LARP4: variants seen among roughly 807,000 people sequenced by gnomAD.
LARP4 encodes la-related protein 4.
Under a neutral mutation model 92.9 loss-of-function variants are expected in LARP4, and 29 were observed. The ratio of observed to expected loss-of-function variants is 0.31; its 90% confidence interval spans 0.23 to 0.43. The LOEUF (loss-of-function observed/expected upper bound fraction) is 0.43, where lower values mean the gene tolerates loss of function less well. Among genes scored for constraint, LARP4 ranks in the 20% least tolerant of loss-of-function variants. The pLI is 1.00. For missense variants in LARP4, 732 were observed against 860.0 expected (o/e 0.85, Z 1.86); for synonymous variants, 279 against 284.1 (o/e 0.98, Z 0.18).
At position 50,435,485 on chromosome 12, in the gene LARP4, C is replaced by T; in HGVS notation, c.399-3C>T. 6.6e-7 allele frequency: 1 copy of T among 1,521,072 alleles called. No individual in the cohort carries two copies. Among genetic ancestry groups the T allele is most frequent in the Non-Finnish European group, 9.1e-7 (1 of 1,100,398 alleles). The allele number at this position is 1,521,072 out of a possible 1,614,324, so 94.2% of individuals were successfully genotyped here. ...GTTTTATAGGACTATTTTGTTTTTT[C>T]AGAGAAAATTTGTCAAAGGATCTTT... On this transcript the variant is annotated splice_region_variant and splice_polypyrimidine_tract_variant and intron_variant, in intron 4 of 15. Transcript: ENST00000398473.
intron 1 of LARP4, among the ~76,000 whole-genome samples, chr12:50,405,837 C>T (rs547929791): frequency 6.6e-6 from 1 of 152,190 alleles, no homozygotes; most frequent in South Asian, 2.1e-4. Flanking sequence ...TCAAGTCTTA[C>T]ATAAAAAGGC....
chr12:50,453,704 A>G, intron 9 of LARP4, 32 bp downstream of exon 9: 1 of 1,346,610 alleles, frequency 7.4e-7, no homozygotes, highest in South Asian at 1.4e-5. Context: ...AAATATAATA[A>G]TATTTTTAAT....
intron 7 of LARP4, among the ~76,000 whole-genome samples, chr12:50,440,973 T>G (rs1056223094): frequency 1.3e-5 from 2 of 151,240 alleles, no homozygotes; most frequent in Non-Finnish European, 2.9e-5. Context: ...AACCTCCACC[T>G]CCTGGGTTCA....
At chr12:50,470,955 A>G (rs1037681058) in intron 13 of LARP4, among the ~76,000 whole-genome samples, 7 of 152,150 alleles carry the variant, frequency 4.6e-5, no homozygotes, top group African/African-American at 1.7e-4. Flanking sequence ...TTTGTGGGCC[A>G]TGTATTGTCA....
chr12:50,454,461 A>C, intron 10 of LARP4, 44 bp downstream of exon 10: 4 of 1,393,622 alleles, frequency 2.9e-6, no homozygotes, highest in East Asian at 2.3e-5. Flanking sequence ...AACAATTCCT[A>C]ATGGATCTTA....
intron 8 of LARP4, among the ~76,000 whole-genome samples, chr12:50,451,331 C>G (rs1377330655): frequency 6.6e-6 from 1 of 152,094 alleles, no homozygotes; most frequent in East Asian, 1.9e-4. Context: ...CTTTATGTGC[C>G]TGCCCTATTT....
At chr12:50,404,988 G>T (rs1458039404) in intron 1 of LARP4, among the ~76,000 whole-genome samples, 2 of 151,148 alleles carry the variant, frequency 1.3e-5, no homozygotes, top group African/African-American at 4.9e-5. Flanking sequence ...ACACCTGGCG[G>T]GTTCAAGCAG....
chr12:50,479,864 AC>A lies in LARP4; in HGVS notation c.*4005del, dbSNP rs1441474641. 1.3e-5 allele frequency: 2 copies of A among 152,578 alleles called. No individual in the cohort carries two copies. The highest frequency in any genetic ancestry group is 3.9e-4 in the East Asian group (2 of 5,186). 9.5% of individuals were successfully genotyped at this position (152,578 alleles called of 1,614,324 possible). A position where few individuals can be genotyped will look rare whatever the true frequency, so the allele number is the denominator to read the frequency against. On this transcript the variant is annotated 3_prime_UTR_variant, in exon 16 of 16. Coordinates refer to ENST00000398473, the MANE Select transcript of LARP4 (RefSeq NM_052879.5). ...ATTTGTTCCTGTTGTCAAAACTGTT[AC>A]CCCCAAAATTGGTGTGACACATGCT...
chr12:50,465,387 AAAG>A (rs1271015256), intron 12 of LARP4, among the ~76,000 whole-genome samples: 147 of 151,644 alleles, frequency 9.7e-4, no homozygotes, highest in African/African-American at 3.2e-3. Flanking sequence ...AAAAAAAAAA[AAAG>A]AGAGATTAGA....
At chr12:50,469,737 C>T (rs1956681683) in intron 13 of LARP4, among the ~76,000 whole-genome samples, 1 of 151,714 alleles carries the variant, frequency 6.6e-6, no homozygotes, top group Non-Finnish European at 1.5e-5. Flanking sequence ...GGTGAAACCC[C>T]GTCTCTACTA....
intron 10 of LARP4, among the ~76,000 whole-genome samples, chr12:50,458,733 T>C (rs1954798404): frequency 6.6e-6 from 1 of 152,246 alleles, no homozygotes; most frequent in Non-Finnish European, 1.5e-5. Flanking sequence ...TTTTTGCTAC[T>C]GATTAAACTA....
chr12:50,473,806 T>A (rs1181674794), intron 14 of LARP4, among the ~76,000 whole-genome samples, 193 bp from the exon 15 acceptor site: 1 of 5,204 alleles, frequency 1.9e-4, no homozygotes, highest in African/African-American at 7.3e-4. Flanking sequence ...TGGGGGTGGG[T>A]GGGGGGGTGG....
intron 13 of LARP4, among the ~76,000 whole-genome samples, 160 bp from the exon 14 acceptor site, chr12:50,473,255 T>C (rs1211597955): frequency 2.0e-5 from 3 of 152,240 alleles, no homozygotes; most frequent in Non-Finnish European, 2.9e-5. Flanking sequence ...TTTTTAATTA[T>C]AACCATCCTT....
intron 10 of LARP4, among the ~76,000 whole-genome samples, chr12:50,457,148 C>G (rs1233828939): frequency 1.3e-5 from 2 of 151,230 alleles, no homozygotes; most frequent in Non-Finnish European, 2.9e-5. Context: ...GTGATCCACC[C>G]AGCTTGGCCT....
At chr12:50,433,702 C>T (rs918824151) in intron 4 of LARP4, among the ~76,000 whole-genome samples, 2 of 150,710 alleles carry the variant, frequency 1.3e-5, no homozygotes, top group African/African-American at 2.4e-5. Flanking sequence ...TGCAGTGGCA[C>T]GATCTCGGCT....
chr12:50,427,993 C>CTTTTTT (rs781256448), intron 2 of LARP4, 84 bp downstream of exon 2: 12 of 306,106 alleles, frequency 3.9e-5, no homozygotes, highest in South Asian at 2.6e-4. Context: ...AGACACATCT[C>CTTTTTT]TTTTTTTTTT....
intron 1 of LARP4, among the ~76,000 whole-genome samples, chr12:50,413,088 T>G (rs1176506803): frequency 1.3e-5 from 2 of 151,742 alleles, no homozygotes; most frequent in Non-Finnish European, 2.9e-5. Flanking sequence ...CCGGACGTGG[T>G]GGTGGGCGCC....
chr12:50,404,214 G>C (rs900853490), intron 1 of LARP4, among the ~76,000 whole-genome samples: 1 of 152,076 alleles, frequency 6.6e-6, no homozygotes. Context: ...ACAACAGAGT[G>C]AGACTCTGTC....
At chr12:50,472,843 G>A (rs997258961) in intron 13 of LARP4, among the ~76,000 whole-genome samples, 2 of 148,430 alleles carry the variant, frequency 1.3e-5, no homozygotes, top group Non-Finnish European at 3.0e-5. Context: ...TTTTTGGGAC[G>A]GAGTCTCGCA....
Sources: gnomAD v4.1 joint callset for allele counts (sites outside exome capture counted in the v4.1 genomes callset) on GRCh38, gnomAD v4.1.1 for gene constraint, MANE v1.5 for transcripts, NCBI Gene and HGNC (gene_info 2026-07-23, HGNC 2026-07-21) for gene names.